FUT8: variants seen among roughly 807,000 people sequenced by gnomAD.
FUT8 encodes fucosyltransferase 8, also known as alpha-(1,6)-fucosyltransferase.
In FUT8, 29 loss-of-function variants were observed where a neutral mutation model predicts 71.3. The ratio of observed to expected loss-of-function variants is 0.41; its 90% CI spans 0.30 to 0.55. The LOEUF (loss-of-function observed/expected upper bound fraction) is 0.55, where lower values mean the gene tolerates loss of function less well. FUT8 is among the 20% of genes least tolerant of loss of function. The pLI, the probability that FUT8 is intolerant of heterozygous loss-of-function variation, is 0.34. For missense variants in FUT8, 544 were observed against 702.1 expected, an observed-to-expected ratio of 0.77 and a Z score of 2.55; for synonymous variants, 254 against 239.3, an observed-to-expected ratio of 1.06 and a Z score of -0.57.
At chr14:65,423,071 C>T (rs775669516) in intron 1 of FUT8, among the ~76,000 whole-genome samples, 2 of 150,242 alleles carry the variant, frequency 1.3e-5, no homozygotes, top group Non-Finnish European at 3.0e-5. Context: ...CTGCAACCTC[C>T]GCCTTCCGAG....
chr14:65,457,074 CTAAG>C (rs1302763227), intron 2 of FUT8, among the ~76,000 whole-genome samples: 8 of 152,066 alleles, frequency 5.3e-5, no homozygotes, highest in Admixed American at 6.6e-5. Context: ...GTACAGTCAA[CTAAG>C]TAAGGTTAAC....
chr14:65,625,434 T>C (rs1197526051), intron 5 of FUT8, among the ~76,000 whole-genome samples: 1 of 152,214 alleles, frequency 6.6e-6, no homozygotes, highest in Non-Finnish European at 1.5e-5. Flanking sequence ...GAAAAAACTT[T>C]GAAGTTGAAA....
chr14:65,662,594 A>G (rs886894910), intron 6 of FUT8, among the ~76,000 whole-genome samples: 2 of 152,202 alleles, frequency 1.3e-5, no homozygotes, highest in African/African-American at 4.8e-5. Context: ...AAAAGAACAC[A>G]CACATACAAA....
At chr14:65,391,590 G>A in the FUT8 span, among the ~76,000 whole-genome samples, 18,175 of 151,222 alleles carry the variant, frequency 0.12, 1,455 homozygotes, top group East Asian at 0.45. Context: ...TCCTGACCTC[G>A]TGATCCACCC....
At chr14:65,697,890 A>C (rs1238460499) in intron 7 of FUT8, among the ~76,000 whole-genome samples, 1 of 151,964 alleles carries the variant, frequency 6.6e-6, no homozygotes, top group Non-Finnish European at 1.5e-5. Flanking sequence ...CAGGAGAATC[A>C]CTTGAACCCA....
At chr14:65,633,525 A>C (rs1394780265) in intron 6 of FUT8, among the ~76,000 whole-genome samples, 1 of 147,438 alleles carries the variant, frequency 6.8e-6, no homozygotes, top group Non-Finnish European at 1.5e-5. Context: ...CATCCCATCT[A>C]GGAAGTGAGG....
rs2140372195 is a variant in FUT8 at position 65,669,439 on chromosome 14, C to T, written c.794C>T (p.Thr265Ile). Residue 265 changes from threonine to isoleucine, a missense_variant, in exon 7 of 11, where the codon ACA becomes ATA. Physicochemically the swap from Thr to Ile is moderately conservative, Grantham distance 89 (BLOSUM62 -1). Transcript: ENST00000673929. The surrounding 1 kb of genome is among the most constrained non-coding windows in gnomAD (Gnocchi z 4.5). Reference protein sequence around the residue: ...WETVFRPVSETCTDRSGISTG... With the variant: ...WETVFRPVSEICTDRSGISTG... The stretch of plus-strand genomic sequence containing the variant: ...ACTGTATTTAGGCCTGTAAGTGAGA[C>T]ATGCACAGACAGATCTGGCATCTCC... The T allele has an allele frequency of 1.9e-6, 3 of 1,613,614 alleles. No homozygotes were observed. The highest frequency in any genetic ancestry group is 2.5e-6 in the Non-Finnish European group (3 of 1,179,694).
At chr14:65,659,075 T>TA (rs543185416) in intron 6 of FUT8, among the ~76,000 whole-genome samples, 186 of 152,074 alleles carry the variant, frequency 1.2e-3, no homozygotes, top group Middle Eastern at 3.4e-3. Context: ...AAAATAAAAG[T>TA]AAAAAAATAC....
chr14:65,598,909 C>T (rs918432335), intron 3 of FUT8, among the ~76,000 whole-genome samples: 1 of 152,050 alleles, frequency 6.6e-6, no homozygotes, highest in African/African-American at 2.4e-5. Flanking sequence ...CCCTGCCTCA[C>T]CCTCCTCAGT....
chr14:65,485,619 C>T (rs1204570897), intron 2 of FUT8, among the ~76,000 whole-genome samples: 3 of 152,130 alleles, frequency 2.0e-5, no homozygotes, highest in Non-Finnish European at 2.9e-5. Flanking sequence ...TTTCCCCAGC[C>T]TCCAGTAGTT....
chr14:65,619,897 A>G (rs1889510103), intron 5 of FUT8, among the ~76,000 whole-genome samples: 1 of 152,064 alleles, frequency 6.6e-6, no homozygotes, highest in African/African-American at 2.4e-5. Context: ...TAGAGTTAGT[A>G]TTTTTGCCAT....
chr14:65,696,215 T>A (rs1805963592), intron 7 of FUT8, among the ~76,000 whole-genome samples: 1 of 152,186 alleles, frequency 6.6e-6, no homozygotes, highest in Admixed American at 6.5e-5. Context: ...GAGTTTATGA[T>A]CTATATAATT....
intron 2 of FUT8, among the ~76,000 whole-genome samples, chr14:65,523,121 T>C (rs1334551764): frequency 1.3e-5 from 2 of 152,214 alleles, no homozygotes; most frequent in Non-Finnish European, 2.9e-5. Context: ...ATGGTATTTC[T>C]AGTTCTAGAT....
chr14:65,369,038 C>T, the FUT8 span, among the ~76,000 whole-genome samples: 1 of 152,196 alleles, frequency 6.6e-6, no homozygotes, highest in Non-Finnish European at 1.5e-5. The surrounding 1 kb of genome is among the most constrained non-coding windows in gnomAD (Gnocchi z 4.6). Context: ...AATCAATATA[C>T]AAAATTATTG....
At chr14:65,738,904 T>G (rs897291449) in intron 10 of FUT8, among the ~76,000 whole-genome samples, 7 of 152,102 alleles carry the variant, frequency 4.6e-5, no homozygotes, top group Non-Finnish European at 1.0e-4. Context: ...TGGAGCAATA[T>G]TCATTCAACA....
At chr14:65,450,362 T>C (rs2065803486) in intron 1 of FUT8, among the ~76,000 whole-genome samples, 1 of 152,190 alleles carries the variant, frequency 6.6e-6, no homozygotes, top group African/African-American at 2.4e-5. Flanking sequence ...TGGAGATAAC[T>C]TAAGATGTTT....
intron 3 of FUT8, among the ~76,000 whole-genome samples, chr14:65,572,213 T>C (rs1244390927): frequency 6.6e-6 from 1 of 152,156 alleles, no homozygotes; most frequent in Admixed American, 6.6e-5. Flanking sequence ...TAGCTTGTGC[T>C]TTTACTCTTA....
intron 2 of FUT8, among the ~76,000 whole-genome samples, chr14:65,536,485 AG>A (rs201836261): frequency 0.058 from 8,825 of 152,226 alleles, 305 homozygotes; most frequent in Admixed American, 0.11. Context: ...TTGTCTGAAA[AG>A]GATCTTATTT....
intron 3 of FUT8, among the ~76,000 whole-genome samples, chr14:65,572,301 T>C (rs1024586756): frequency 6.6e-6 from 1 of 152,208 alleles, no homozygotes; most frequent in Non-Finnish European, 1.5e-5. Flanking sequence ...TGTTAATATG[T>C]GTTACTATGT....
Sources: allele counts gnomAD v4.1 joint callset (sites outside exome capture counted in the v4.1 genomes callset), GRCh38; gene constraint gnomAD v4.1.1; non-coding constraint Gnocchi (gnomAD v3.1); transcripts MANE v1.5; gene names NCBI Gene and HGNC (gene_info 2026-07-23, HGNC 2026-07-21).